KLRF1: variants seen among roughly 807,000 people sequenced by gnomAD.
KLRF1 encodes killer cell lectin-like receptor subfamily F member 1.
A neutral mutation model predicts 30.7 loss-of-function variants in KLRF1; 27 were observed. The observed-to-expected ratio is 0.88, with a 90% confidence interval of 0.65 to 1.21. The LOEUF (loss-of-function observed/expected upper bound fraction) is 1.21, where lower values mean the gene tolerates loss of function less well. KLRF1 is among the 50% of genes most tolerant of loss of function. KLRF1 has a pLI of 0.00. For missense variants in KLRF1, 246 were observed against 259.3 expected, an observed-to-expected ratio of 0.95 and a Z score of 0.35; for synonymous variants, 92 against 89.3, an observed-to-expected ratio of 1.03 and a Z score of -0.17.
the KLRF1 span, among the ~76,000 whole-genome samples, chr12:9,820,865 A>C: frequency 6.6e-6 from 1 of 152,132 alleles, no homozygotes; most frequent in African/African-American, 2.4e-5. Flanking sequence ...ACCACAGTCA[A>C]CATACAGAAA....
At chr12:9,804,995 T>A in the KLRF1 span, among the ~76,000 whole-genome samples, 1 of 152,032 alleles carries the variant, frequency 6.6e-6, no homozygotes, top group Non-Finnish European at 1.5e-5. Context: ...ATACTTTTTG[T>A]GTATTGTTTG....
chr12:9,809,035 A>G, the KLRF1 span, among the ~76,000 whole-genome samples: 25 of 152,298 alleles, frequency 1.6e-4, no homozygotes, highest in African/African-American at 5.5e-4. Flanking sequence ...TATAGATGAC[A>G]TACAACTTGG....
At position 9,842,431 on chromosome 12, in the gene KLRF1, G is replaced by A. The variant is rs1867724894; in HGVS notation, c.585G>A (p.Lys195=). ...TGGATGGTTCTCCAATAGATTCAAA[G>A]ATGTGAGTCTTTCTTAAAAGGCAAT... ...TWVDGSPIDS[K]IFFIKGPAKE... The change falls in exon 5 of 6, where the codon AAG becomes AAA. Residue 195 remains lysine (K), a splice_region_variant and synonymous_variant. Coordinates refer to ENST00000617889, the MANE Select transcript of KLRF1 (RefSeq NM_016523.3). The A allele has an allele frequency of 3.7e-6, 6 of 1,611,084 alleles. No homozygotes were observed. Among genetic ancestry groups the A allele is most frequent in the Non-Finnish European group, 5.1e-6 (6 of 1,178,362 alleles).
chr12:9,807,189 C>CAT, the KLRF1 span, among the ~76,000 whole-genome samples: 149,593 of 152,132 alleles, frequency 0.98, 73,611 homozygotes, highest in Middle Eastern at 1. Context: ...GAAAATCACT[C>CAT]ATGATTTTAA....
the KLRF1 span, among the ~76,000 whole-genome samples, chr12:9,804,658 G>T: frequency 6.6e-6 from 1 of 151,948 alleles, no homozygotes; most frequent in Non-Finnish European, 1.5e-5. Context: ...ATATCCAGTT[G>T]TTCAAGAATC....
the KLRF1 span, among the ~76,000 whole-genome samples, chr12:9,818,892 A>C: frequency 6.6e-6 from 1 of 152,208 alleles, no homozygotes; most frequent in Non-Finnish European, 1.5e-5. Context: ...TAAATACAGC[A>C]CCTTCAACTG....
chr12:9,820,760 C>T, the KLRF1 span, among the ~76,000 whole-genome samples: 1 of 152,210 alleles, frequency 6.6e-6, no homozygotes, highest in Admixed American at 6.5e-5. Flanking sequence ...CAACCCACAA[C>T]CCCTCCACCA....
At position 9,844,441 on chromosome 12, in the gene KLRF1, A is replaced by G. The variant is rs1246373314; in HGVS notation, c.611A>G (p.Lys204Arg). ...SKIFFIKGPA[K>R]ENSCAAIKES... ...AGATTCTTCATAAAGGGACCAGCTA[A>G]AGAAAACAGCTGTGCTGCCATTAAG... is the stretch of plus-strand genomic sequence containing the variant. The change falls in exon 6 of 6, where the codon AAA becomes AGA. Residue 204 changes from lysine (K) to arginine (R), a missense_variant. Transcript: ENST00000617889. 6.2e-7 allele frequency: 1 copy of G among 1,605,224 alleles called. No individual in the cohort carries two copies. The highest frequency in any genetic ancestry group is 1.1e-5 in the South Asian group (1 of 90,792).
At chr12:9,824,309 G>T (rs191890128), upstream of KLRF1, among the ~76,000 whole-genome samples, 519 of 152,184 alleles carry the variant, frequency 3.4e-3, no homozygotes, top group African/African-American at 0.012. Context: ...TGCAAGGTTG[G>T]TTCAACATAC....
chr12:9,824,252 A>C (rs1867256842), upstream of KLRF1, among the ~76,000 whole-genome samples: 2 of 152,156 alleles, frequency 1.3e-5, no homozygotes, highest in South Asian at 4.1e-4. Context: ...ATCCAGCACC[A>C]CTCAAAGAGC....
At chr12:9,811,153 A>T in the KLRF1 span, among the ~76,000 whole-genome samples, 1 of 151,584 alleles carries the variant, frequency 6.6e-6, no homozygotes, top group African/African-American at 2.4e-5. Flanking sequence ...CAATGAAAAG[A>T]AGCTGGAAGT....
At chr12:9,839,891 T>C (rs929187729) in intron 3 of KLRF1, among the ~76,000 whole-genome samples, 8 of 152,144 alleles carry the variant, frequency 5.3e-5, no homozygotes, top group Non-Finnish European at 8.8e-5. Flanking sequence ...CAAAAATTTG[T>C]ACATGAATGT....
chr12:9,827,026 T>TA (rs992601411), upstream of KLRF1, among the ~76,000 whole-genome samples: 18 of 151,852 alleles, frequency 1.2e-4, no homozygotes, highest in African/African-American at 3.6e-4. Context: ...ACCTAAAAGT[T>TA]AAAAAAAATC....
the KLRF1 span, among the ~76,000 whole-genome samples, chr12:9,806,424 G>A: frequency 6.6e-6 from 1 of 152,038 alleles, no homozygotes; most frequent in East Asian, 1.9e-4. Flanking sequence ...TTTAAAATGT[G>A]TTGAGGCTAG....
intron 3 of KLRF1, among the ~76,000 whole-genome samples, chr12:9,839,004 AC>A (rs1377487948): frequency 1.3e-5 from 2 of 152,084 alleles, no homozygotes; most frequent in African/African-American, 4.8e-5. Flanking sequence ...GGATTTGGAG[AC>A]GGGGTCTTTA....
the KLRF1 span, among the ~76,000 whole-genome samples, chr12:9,804,289 A>G: frequency 5.3e-5 from 8 of 152,040 alleles, no homozygotes; most frequent in African/African-American, 1.9e-4. Context: ...GGGGTAATGT[A>G]TCTTTTAAAT....
At chr12:9,838,168 A>G (rs536831547) in intron 3 of KLRF1, among the ~76,000 whole-genome samples, 1 of 152,020 alleles carries the variant, frequency 6.6e-6, no homozygotes, top group African/African-American at 2.4e-5. Flanking sequence ...CTGCTCCCAC[A>G]TAGGGATATG....
intron 1 of KLRF1, 151 bp downstream of exon 1, chr12:9,827,780 T>C (rs1867313787): frequency 4.2e-6 from 2 of 472,524 alleles, no homozygotes; most frequent in South Asian, 3.7e-5. Flanking sequence ...TCTTTCAATA[T>C]TAATAATGAT....
intron 3 of KLRF1, among the ~76,000 whole-genome samples, chr12:9,840,931 C>G (rs1298370611): frequency 6.6e-6 from 1 of 152,130 alleles, no homozygotes; most frequent in Non-Finnish European, 1.5e-5. Context: ...CCCTTCAACC[C>G]CGCAATCCCA....
Sources: gnomAD v4.1 joint callset for allele counts (sites outside exome capture counted in the v4.1 genomes callset) on GRCh38, gnomAD v4.1.1 for gene constraint, MANE v1.5 for transcripts, NCBI Gene and HGNC (gene_info 2026-07-23, HGNC 2026-07-21) for gene names.